The following CLYBL variants were observed in gnomAD, a reference collection of about 807,000 sequenced individuals.
The protein encoded by CLYBL is citramalyl-CoA lyase, also known as citramalyl-CoA lyase, mitochondrial.
In CLYBL, 31 loss-of-function variants were observed where a neutral mutation model predicts 38.9. The ratio of observed to expected loss-of-function variants is 0.80; its 90% CI spans 0.60 to 1.08. CLYBL has a LOEUF of 1.08. CLYBL is among the 50% of genes least tolerant of loss of function. The pLI, the probability that CLYBL is intolerant of heterozygous loss-of-function variation, is 0.00. For synonymous variants in CLYBL, 171 were observed against 158.6 expected, an observed-to-expected ratio of 1.08 and a Z score of -0.59; for missense variants, 434 against 411.6, an observed-to-expected ratio of 1.05 and a Z score of -0.47.
intron 1 of CLYBL, among the ~76,000 whole-genome samples, chr13:99,765,891 C>T (rs1331537354): frequency 6.7e-6 from 1 of 149,030 alleles, no homozygotes; most frequent in Non-Finnish European, 1.5e-5. Context: ...TCATTCTGTC[C>T]CCTGGGCTAG....
At chr13:99,905,620 G>T (rs1371718652) in intron 9 of CLYBL, among the ~76,000 whole-genome samples, 1 of 150,392 alleles carries the variant, frequency 6.6e-6, no homozygotes, top group Non-Finnish European at 1.5e-5. Context: ...AGCTCCAGGT[G>T]TGAGACCAAA....
intron 1 of CLYBL, among the ~76,000 whole-genome samples, chr13:99,708,229 C>T (rs1309740990): frequency 2.6e-5 from 4 of 152,150 alleles, no homozygotes; most frequent in African/African-American, 9.7e-5. Flanking sequence ...GATCCACCCG[C>T]CTTGGCCTCC....
intron 1 of CLYBL, among the ~76,000 whole-genome samples, chr13:99,607,502 A>G (rs1179232287): frequency 6.6e-6 from 1 of 152,210 alleles, no homozygotes; most frequent in East Asian, 1.9e-4. Context: ...GGACCCCCTC[A>G]GGTGTCTTTG....
chr13:99,632,724 A>T (rs1406325459), intron 1 of CLYBL, among the ~76,000 whole-genome samples: 4 of 152,082 alleles, frequency 2.6e-5, no homozygotes, highest in Non-Finnish European at 5.9e-5. Flanking sequence ...CAGCCTGGTG[A>T]CAGAGTGAGA....
chr13:99,891,266 A>C lies in CLYBL; in HGVS notation c.928-52A>C, dbSNP rs1404854235. 5.3e-6 allele frequency: 7 copies of C among 1,310,404 alleles called. No homozygotes were observed. The African/African-American group carries it at 1.0e-4, about 19-fold the overall frequency. 81.2% of individuals were successfully genotyped at this position (1,310,404 alleles called of 1,614,324 possible). A position where few individuals can be genotyped will look rare whatever the true frequency, so the allele number is the denominator to read the frequency against. ...GTTGCACAAGTGTGCACAGAAAGGA[A>C]ACCTATAATTTCGAGTATTCTTTCA... On this transcript the variant is annotated intron_variant, in intron 7 of 8. Coordinates refer to ENST00000339105, the MANE Select transcript of CLYBL (RefSeq NM_206808.5).
At chr13:99,670,074 C>T (rs1487217439) in intron 1 of CLYBL, among the ~76,000 whole-genome samples, 1 of 151,970 alleles carries the variant, frequency 6.6e-6, no homozygotes, top group Non-Finnish European at 1.5e-5. Context: ...TGGCATGCAC[C>T]TGTAGTCCCA....
At chr13:99,671,792 A>AAAAT (rs2047569270) in intron 1 of CLYBL, among the ~76,000 whole-genome samples, 1 of 139,050 alleles carries the variant, frequency 7.2e-6, no homozygotes, top group Non-Finnish European at 1.6e-5. Context: ...AAAAAAAAAA[A>AAAAT]AAATAATAAA....
At chr13:99,648,728 T>G (rs775027538) in intron 1 of CLYBL, among the ~76,000 whole-genome samples, 2 of 152,212 alleles carry the variant, frequency 1.3e-5, no homozygotes, top group Non-Finnish European at 2.9e-5. Flanking sequence ...AATAAGAAAA[T>G]GTACTTTTCT....
At position 99,822,340 on chromosome 13, in the gene CLYBL, CTGG is replaced by C. The variant is rs1468807462; in HGVS notation, c.250-36517_250-36515del. Among the ~76,000 whole-genome samples, 3 of 152,338 alleles carry C rather than the reference CTGG, an allele frequency of 2.0e-5. No individual in the cohort carries two copies. In the East Asian group the frequency reaches 5.8e-4, roughly 29 times the overall value. ...TAAATAGCAGAGCAAAACAGCATGA[CTGG>C]TGGCTGGGAGGCTTAAAACTGGGAC... On this transcript the variant is annotated intron_variant, in intron 2 of 8. Transcript: ENST00000339105.
At chr13:99,886,800 G>A (rs770584858) in intron 7 of CLYBL, among the ~76,000 whole-genome samples, 14 of 152,148 alleles carry the variant, frequency 9.2e-5, no homozygotes, top group African/African-American at 2.9e-4. Flanking sequence ...CCTTTTCTCC[G>A]ATTCTTGTTG....
intron 1 of CLYBL, among the ~76,000 whole-genome samples, chr13:99,692,309 T>G (rs922991807): frequency 1.3e-5 from 2 of 151,842 alleles, no homozygotes; most frequent in African/African-American, 4.8e-5. Flanking sequence ...TGTTTGTTTT[T>G]TTGAGACAGT....
intron 1 of CLYBL, among the ~76,000 whole-genome samples, chr13:99,658,555 C>A (rs1187619367): frequency 1.3e-5 from 2 of 152,164 alleles, no homozygotes; most frequent in African/African-American, 4.8e-5. Flanking sequence ...CGCTTTGAAA[C>A]CGCGGAGTTG....
intron 1 of CLYBL, among the ~76,000 whole-genome samples, chr13:99,666,832 A>G (rs1010372002): frequency 6.6e-6 from 1 of 152,160 alleles, no homozygotes; most frequent in Non-Finnish European, 1.5e-5. Context: ...TATGTTAACA[A>G]AAGTAAAAAT....
At chr13:99,648,148 G>C (rs752660731) in intron 1 of CLYBL, among the ~76,000 whole-genome samples, 1 of 151,962 alleles carries the variant, frequency 6.6e-6, no homozygotes, top group African/African-American at 2.4e-5. Flanking sequence ...AAGTATGTTC[G>C]GGGGGGAAAA....
intron 1 of CLYBL, among the ~76,000 whole-genome samples, chr13:99,768,429 G>A (rs369554754): frequency 1.1e-4 from 16 of 148,524 alleles, no homozygotes; most frequent in African/African-American, 3.2e-4. Context: ...TCCTGATCTC[G>A]TGATCTGCCC....
intron 2 of CLYBL, among the ~76,000 whole-genome samples, chr13:99,844,643 G>T (rs752154127): frequency 5.9e-5 from 9 of 152,198 alleles, no homozygotes; most frequent in Non-Finnish European, 8.8e-5. Context: ...TGTGACTTCA[G>T]TCACTCTCCC....
chr13:99,815,891 A>C (rs1476333368), intron 2 of CLYBL, among the ~76,000 whole-genome samples: 2 of 152,112 alleles, frequency 1.3e-5, no homozygotes, highest in African/African-American at 4.8e-5. Context: ...AAATAATAAT[A>C]ATTAACTAAA....
intron 2 of CLYBL, among the ~76,000 whole-genome samples, chr13:99,800,728 G>C (rs1331273458): frequency 1.3e-5 from 2 of 152,020 alleles, no homozygotes; most frequent in Non-Finnish European, 2.9e-5. Context: ...ACAAAAATTA[G>C]CCTGGCATGG....
chr13:99,792,909 T>G (rs934217728), intron 2 of CLYBL, among the ~76,000 whole-genome samples: 4 of 152,132 alleles, frequency 2.6e-5, no homozygotes, highest in African/African-American at 9.7e-5. Context: ...ATTAATTTAT[T>G]AGTACTCTTT....
Sources: gnomAD v4.1 joint callset for allele counts (sites outside exome capture counted in the v4.1 genomes callset) on GRCh38, gnomAD v4.1.1 for gene constraint, MANE v1.5 for transcripts, NCBI Gene and HGNC (gene_info 2026-07-23, HGNC 2026-07-21) for gene names.